The following ATP2B2 variants were observed in gnomAD, a reference collection of about 807,000 sequenced individuals.
ATP2B2 encodes plasma membrane calcium-transporting ATPase 2.
Under a neutral mutation model 120.0 loss-of-function variants are expected in ATP2B2, and 15 were observed. The observed-to-expected ratio is 0.12, with a 90% confidence interval of 0.08 to 0.19. ATP2B2 has a LOEUF of 0.19. Ranked by LOEUF, ATP2B2 falls within the 10% of genes least tolerant of loss-of-function variation. ATP2B2 has a pLI of 1.00. For missense variants in ATP2B2, 1,045 were observed against 1,719.8 expected (o/e 0.61, Z 6.94); for synonymous variants, 694 against 700.3 (o/e 0.99, Z 0.14).
chr3:10,595,309 G>C (rs1362836935), intron 2 of ATP2B2, among the ~76,000 whole-genome samples: 1 of 152,206 alleles, frequency 6.6e-6, no homozygotes, highest in Non-Finnish European at 1.5e-5. Flanking sequence ...GAAGCGGGGT[G>C]TTAGTCTTCT....
At chr3:10,664,221 C>T (rs2070865385) in intron 1 of ATP2B2, among the ~76,000 whole-genome samples, 1 of 152,116 alleles carries the variant, frequency 6.6e-6, no homozygotes, top group Non-Finnish European at 1.5e-5. Flanking sequence ...CTGCAGCTGT[C>T]ACCCCCGCAG....
At chr3:10,651,744 AATGGATGGATGGATGG>A (rs36070242) in intron 1 of ATP2B2, among the ~76,000 whole-genome samples, 2 of 150,566 alleles carry the variant, frequency 1.3e-5, no homozygotes, top group African/African-American at 2.5e-5. Flanking sequence ...TGCATGTATG[AATGGATGGATGGATGG>A]ATGGATGGAT....
intron 1 of ATP2B2, among the ~76,000 whole-genome samples, chr3:10,465,701 A>C (rs954433628): frequency 6.6e-6 from 1 of 152,218 alleles, no homozygotes; most frequent in African/African-American, 2.4e-5. Flanking sequence ...GTAACATTCA[A>C]ATCAGGTCTT....
chr3:10,598,351 G>T (rs1233181943), intron 2 of ATP2B2, among the ~76,000 whole-genome samples: 1 of 152,188 alleles, frequency 6.6e-6, no homozygotes, highest in African/African-American at 2.4e-5. Flanking sequence ...CTGTGCCTCA[G>T]TTTACTCACC....
At chr3:10,533,824 C>T (rs1367884928) in intron 3 of ATP2B2, among the ~76,000 whole-genome samples, 1 of 152,250 alleles carries the variant, frequency 6.6e-6, no homozygotes, top group African/African-American at 2.4e-5. Context: ...CTACACCATG[C>T]TCCTAATTCA....
intron 5 of ATP2B2, among the ~76,000 whole-genome samples, chr3:10,388,683 C>T (rs2061755922): frequency 6.6e-6 from 1 of 152,196 alleles, no homozygotes; most frequent in Non-Finnish European, 1.5e-5. Flanking sequence ...GTCACTTCCT[C>T]CTTCTGTCTC....
At chr3:10,520,217 T>C (rs535219293) in intron 3 of ATP2B2, among the ~76,000 whole-genome samples, 1 of 152,344 alleles carries the variant, frequency 6.6e-6, no homozygotes, top group Admixed American at 6.5e-5. Context: ...TAATTAGCTT[T>C]TCCTTACAAT....
rs114414492 is a variant in ATP2B2, at chr3:10,362,552, C to T, written c.1660-2429G>A. Among the ~76,000 whole-genome samples the T allele has an allele frequency of 1.0e-2, 1,523 of 152,338 alleles. 7 individuals carry two copies. Among genetic ancestry groups the T allele is most frequent in the Non-Finnish European group, 0.017 (1,181 of 68,030 alleles). On this transcript the variant is annotated intron_variant, in intron 12 of 22. Transcript: ENST00000360273. Reference sequence around the variant, plus strand: ...GCTTTCTAGCTCAGAGAAATATCAACCCTCTCCTTAAAGTGGATGTGGTGA... The same window carrying T: ...GCTTTCTAGCTCAGAGAAATATCAATCCTCTCCTTAAAGTGGATGTGGTGA...
At chr3:10,633,009 G>C (rs191740432) in intron 1 of ATP2B2, among the ~76,000 whole-genome samples, 41 of 152,364 alleles carry the variant, frequency 2.7e-4, no homozygotes, top group Non-Finnish European at 5.3e-4. Context: ...CCCTCAGACA[G>C]CCTTGCTGAG....
At chr3:10,648,228 A>G (rs1351254880) in intron 1 of ATP2B2, among the ~76,000 whole-genome samples, 1 of 152,094 alleles carries the variant, frequency 6.6e-6, no homozygotes, top group South Asian at 2.1e-4. Context: ...AGCTGGATTG[A>G]CCTCTCACCT....
intron 2 of ATP2B2, among the ~76,000 whole-genome samples, chr3:10,448,227 C>T (rs1013732259): frequency 6.6e-6 from 1 of 152,222 alleles, no homozygotes; most frequent in African/African-American, 2.4e-5. Context: ...TTGACATCCA[C>T]TTCTCCTTAG....
At chr3:10,386,132 C>T (rs1575084332) in intron 7 of ATP2B2, among the ~76,000 whole-genome samples, 1 of 152,178 alleles carries the variant, frequency 6.6e-6, no homozygotes, top group African/African-American at 2.4e-5. Flanking sequence ...ATGGGCTCCC[C>T]AGGGGTGCTG....
At chr3:10,454,836 TAAC>T (rs1308811136) in intron 1 of ATP2B2, among the ~76,000 whole-genome samples, 4 of 152,240 alleles carry the variant, frequency 2.6e-5, no homozygotes, top group Non-Finnish European at 5.9e-5. Context: ...TTTGCCTCCC[TAAC>T]AGCTGCTGTC....
At position 10,387,609 on chromosome 3, in the gene ATP2B2, C is replaced by T. The variant is rs73131262; in HGVS notation, c.907+668G>A. Among the ~76,000 whole-genome samples, 459 of 152,326 alleles carry T rather than the reference C, an allele frequency of 3.0e-3. 4 individuals carry two copies. Among genetic ancestry groups the T allele is most frequent in the African/African-American group, 0.01 (435 of 41,556 alleles). On this transcript the variant is annotated intron_variant, in intron 6 of 22. Coordinates refer to ENST00000360273, the MANE Select transcript of ATP2B2 (RefSeq NM_001001331.4). ...TGGATTTGGGCCTGGCCTGAAGAGA[C>T]TTGAGCTTTTTGTTTGAGCATCTTT...
chr3:10,601,923 G>A (rs2068933920), intron 2 of ATP2B2, among the ~76,000 whole-genome samples: 1 of 152,180 alleles, frequency 6.6e-6, no homozygotes. Context: ...CCCCAGCTAA[G>A]CCTGCTCTTG....
chr3:10,618,306 C>T (rs944845670), intron 2 of ATP2B2, among the ~76,000 whole-genome samples: 5 of 152,096 alleles, frequency 3.3e-5, no homozygotes, highest in Admixed American at 6.5e-5. Flanking sequence ...CAGGATGAAC[C>T]TATGTAAGAG....
chr3:10,681,451 C>T (rs2071381862), intron 1 of ATP2B2, among the ~76,000 whole-genome samples: 1 of 152,198 alleles, frequency 6.6e-6, no homozygotes, highest in Non-Finnish European at 1.5e-5. Flanking sequence ...ACAAATGTCT[C>T]CCCATTTCAA....
chr3:10,674,037 TC>T lies in ATP2B2; in HGVS notation c.-460+33877del, dbSNP rs547473323. ...AATATTAAGCTTTGGGGCAGGCAGA[TC>T]CAGGTTTCAAATCCCTGCTGTCCTT... On this transcript the variant is annotated intron_variant, in intron 1 of 21. Coordinates refer to the ATP2B2 transcript ENST00000646379. 1.1e-4 allele frequency among the ~76,000 whole-genome samples: 16 copies of T among 151,386 alleles called. No homozygotes were observed. In the South Asian group the frequency reaches 3.4e-3, roughly 32 times the overall value.
At chr3:10,606,834 G>A (rs1268142642) in intron 2 of ATP2B2, among the ~76,000 whole-genome samples, 3 of 149,128 alleles carry the variant, frequency 2.0e-5, no homozygotes, top group Non-Finnish European at 4.4e-5. Flanking sequence ...CCAGGGCCTG[G>A]CACATAGTAG....
Sources: gnomAD v4.1 joint callset for allele counts (sites outside exome capture counted in the v4.1 genomes callset) on GRCh38, gnomAD v4.1.1 for gene constraint, MANE v1.5 for transcripts, NCBI Gene and HGNC (gene_info 2026-07-23, HGNC 2026-07-21) for gene names.